KLHL6: variants seen among roughly 807,000 people sequenced by gnomAD.
KLHL6 encodes kelch-like protein 6.
Under a neutral mutation model 58.6 loss-of-function variants are expected in KLHL6, and 41 were observed. That is an observed-to-expected ratio of 0.70 (90% CI 0.55 to 0.91). The LOEUF (loss-of-function observed/expected upper bound fraction) is 0.91, where lower values mean the gene tolerates loss of function less well. KLHL6 is among the 40% of genes least tolerant of loss of function. The pLI is 0.00. For missense variants in KLHL6, 714 were observed against 805.6 expected, an observed-to-expected ratio of 0.89 and a Z score of 1.38; for synonymous variants, 338 against 322.7, an observed-to-expected ratio of 1.05 and a Z score of -0.51.
chr3:183,508,253 C>A lies in KLHL6; in HGVS notation c.715G>T (p.Val239Leu), dbSNP rs761239853. The A allele has an allele frequency of 1.2e-6, 2 of 1,614,074 alleles. No individual in the cohort carries two copies. The highest frequency in any genetic ancestry group is 2.7e-5 in the African/African-American group (2 of 74,930). ...VTEEAQVFET[V>L]MSWVRHKPSE... ...GGCTTGTGCCGGACCCAGCTCATCACGGTCTCAAACACCTGAGCCTCCTCG... is the reference window on the plus strand; with the variant it reads ...GGCTTGTGCCGGACCCAGCTCATCAAGGTCTCAAACACCTGAGCCTCCTCG... The change falls in exon 3 of 7, where the codon GTG (valine) becomes TTG (leucine). Residue 239 changes from valine to leucine, a missense_variant. By Grantham distance (32) the Val-to-Leu change is conservative. Coordinates refer to ENST00000341319, the MANE Select transcript of KLHL6 (RefSeq NM_130446.4).
chr3:183,499,310 C>T lies in KLHL6; in HGVS notation c.1147+280G>A, dbSNP rs1342532090. The stretch of plus-strand genomic sequence containing the variant: ...GCAGCTAGCCAAGATTGCGCCACTG[C>T]ACTCCAGCCTGAGCAACAGAGCGAG... On this transcript the variant is annotated intron_variant, in intron 4 of 6. Coordinates refer to ENST00000341319, the MANE Select transcript of KLHL6 (RefSeq NM_130446.4). The surrounding 1 kb of genome is among the most constrained non-coding windows in gnomAD (Gnocchi z 4.6). Among the ~76,000 whole-genome samples, 1 of 151,368 alleles carries T rather than the reference C, an allele frequency of 6.6e-6. No homozygotes were observed. Among genetic ancestry groups the T allele is most frequent in the East Asian group, 1.9e-4 (1 of 5,168 alleles).
intron 5 of KLHL6, 142 bp downstream of exon 5, chr3:183,493,937 A>T (rs1717640734): frequency 1.4e-6 from 1 of 731,552 alleles, no homozygotes. Flanking sequence ...AGGAGGAGGG[A>T]AGCTCAGAGC....
chr3:183,505,981 T>C (rs1055874629), intron 3 of KLHL6, among the ~76,000 whole-genome samples: 2 of 152,158 alleles, frequency 1.3e-5, no homozygotes, highest in African/African-American at 4.8e-5. Flanking sequence ...GAATGAACAG[T>C]GGATCTAAGG....
chr3:183,494,339 C>T, intron 4 of KLHL6, 58 bp from the exon 5 acceptor site: 3 of 1,403,922 alleles, frequency 2.1e-6, no homozygotes, highest in East Asian at 2.3e-5. Flanking sequence ...TACAGCTTCT[C>T]CCATAATATC....
intron 2 of KLHL6, chr3:183,520,859 C>G (rs896489503): frequency 1.5e-4 from 23 of 151,914 alleles, no homozygotes; most frequent in African/African-American, 5.6e-4. Context: ...AGATGCCTTC[C>G]TCTTATCTCA....
chr3:183,526,124 A>G (rs1171745826), intron 2 of KLHL6, among the ~76,000 whole-genome samples: 1 of 152,112 alleles, frequency 6.6e-6, no homozygotes, highest in Non-Finnish European at 1.5e-5. Flanking sequence ...CCTGGCCAAC[A>G]TGGGGAAACC....
chr3:183,502,195 G>A (rs187228383), intron 3 of KLHL6, among the ~76,000 whole-genome samples: 9 of 152,130 alleles, frequency 5.9e-5, no homozygotes, highest in South Asian at 4.2e-4. Context: ...CTAGCTACTC[G>A]GGAGGCTGAG....
At chr3:183,543,063 C>A (rs184486969) in intron 1 of KLHL6, among the ~76,000 whole-genome samples, 1 of 152,128 alleles carries the variant, frequency 6.6e-6, no homozygotes, top group Non-Finnish European at 1.5e-5. Flanking sequence ...GAGGCTGAGG[C>A]GGGCAGATCA....
At chr3:183,530,830 ATTTTT>A (rs35902105) in intron 1 of KLHL6, among the ~76,000 whole-genome samples, 1 of 123,968 alleles carries the variant, frequency 8.1e-6, no homozygotes. Context: ...GTGAACATGC[ATTTTT>A]TTTTTTTTTT....
intron 2 of KLHL6, among the ~76,000 whole-genome samples, chr3:183,525,269 A>AAAAAAACACACACAC (rs55871319): frequency 1.5e-5 from 2 of 133,794 alleles, no homozygotes; most frequent in African/African-American, 5.5e-5. Flanking sequence ...CTAAAAAAAA[A>AAAAAAACACACACAC]ACACACACAC....
At position 183,525,848 on chromosome 3, in the gene KLHL6, G is replaced by A. The variant is rs571397153; in HGVS notation, c.459+1997C>T. On this transcript the variant is annotated intron_variant, in intron 2 of 6. Transcript: ENST00000341319. ...GAAACAGGATGTATAGTGTGCCTAC[G>A]TTGTGTTAGAAAAAATGGAAGCCTG... Among the ~76,000 whole-genome samples, 12 of 152,306 alleles carry A rather than the reference G, an allele frequency of 7.9e-5. No homozygotes were observed. The East Asian group carries it at 1.9e-3, about 24-fold the overall frequency.
chr3:183,503,879 A>ACAGAGTAG (rs1327003763), intron 3 of KLHL6, among the ~76,000 whole-genome samples: 9 of 152,226 alleles, frequency 5.9e-5, no homozygotes, highest in African/African-American at 2.2e-4. Flanking sequence ...AAATGTGTTC[A>ACAGAGTAG]CAGAGTAGCC....
Position 183,499,858 on chromosome 3 carries a change from G to A in KLHL6, c.910-31C>T. On this transcript the variant is annotated intron_variant, in intron 3 of 6. Transcript: ENST00000341319. This position sits in a 1 kb window ranked among gnomAD's most constrained non-coding sequence, Gnocchi z 4.6. ...AATCGATGGGGGTACATGAAGGCAG[G>A]GACAACACAAAGTTTCAGAGCTCGG... 2 of 1,493,718 alleles carry A rather than the reference G, an allele frequency of 1.3e-6. No individual in the cohort carries two copies. Among genetic ancestry groups the A allele is most frequent in the African/African-American group, 3.4e-5 (2 of 58,962 alleles). 92.5% of individuals were successfully genotyped at this position (1,493,718 alleles called of 1,614,324 possible).
chr3:183,552,410 A>T (rs1285711063), intron 1 of KLHL6: 1 of 152,206 alleles, frequency 6.6e-6, no homozygotes, highest in African/African-American at 2.4e-5. Context: ...CAAAACACAG[A>T]GAGCTGTGTT....
intron 3 of KLHL6, among the ~76,000 whole-genome samples, chr3:183,504,098 G>A (rs1004713570): frequency 4.6e-5 from 7 of 152,220 alleles, no homozygotes; most frequent in African/African-American, 1.7e-4. Flanking sequence ...CTGAGACACA[G>A]TGAAAAGACT....
Position 183,492,621 on chromosome 3 carries a change from C to A in KLHL6, c.1437G>T (p.Gly479=). Residue 479 remains glycine, a synonymous_variant, in exon 6 of 7, where the codon GGG becomes GGT. Transcript: ENST00000341319. The surrounding 1 kb of genome is among the most constrained non-coding windows in gnomAD (Gnocchi z 5.9). ...KLYVIGGGPN[G]KLATDKTQCY... ...ACTGAGTCTTGTCTGTGGCCAGTTT[C>A]CCATTGGGCCCTCCCCCGATCACAT... is the stretch of plus-strand genomic sequence containing the variant. 6.2e-7 allele frequency: 1 copy of A among 1,614,202 alleles called. No homozygotes were observed. Among genetic ancestry groups the A allele is most frequent in the South Asian group, 1.1e-5 (1 of 91,082 alleles).
At chr3:183,495,645 G>A (rs1180800591) in intron 4 of KLHL6, among the ~76,000 whole-genome samples, 1 of 151,280 alleles carries the variant, frequency 6.6e-6, no homozygotes, top group Non-Finnish European at 1.5e-5. Context: ...TTGTGAAGAT[G>A]TCAACCCTCC....
chr3:183,487,591 T>C lies in KLHL6; in HGVS notation c.*4336A>G, dbSNP rs1013253181. On this transcript the variant is annotated 3_prime_UTR_variant, in exon 7 of 7. Transcript: ENST00000341319. ...TTTTATTGAATAAATAAAAATTTTA[T>C]TGGTTTGGTTTTTAAAACCTATAAA... 23 of 152,268 alleles carry C rather than the reference T, an allele frequency of 1.5e-4. No homozygotes were observed. The highest frequency in any genetic ancestry group is 2.6e-4 in the Admixed American group (4 of 15,298). The allele number at this position is 152,268 out of a possible 1,614,324, so 9.4% of individuals were successfully genotyped here. A position where few individuals can be genotyped will look rare whatever the true frequency, so the allele number is the denominator to read the frequency against.
intron 1 of KLHL6, 83 bp downstream of exon 1, chr3:183,555,278 C>CTG: frequency 8.8e-7 from 1 of 1,133,340 alleles, no homozygotes; most frequent in Non-Finnish European, 1.3e-6. Flanking sequence ...TCATGGCCAA[C>CTG]TGTTCAAGAT....
Sources: allele counts gnomAD v4.1 joint callset (sites outside exome capture counted in the v4.1 genomes callset), GRCh38; gene constraint gnomAD v4.1.1; non-coding constraint Gnocchi (gnomAD v3.1); transcripts MANE v1.5; gene names NCBI Gene and HGNC (gene_info 2026-07-23, HGNC 2026-07-21).